GRTP1: variants seen among roughly 807,000 people sequenced by gnomAD.
The protein encoded by GRTP1 is growth hormone-regulated TBC protein 1.
A neutral mutation model predicts 38.1 loss-of-function variants in GRTP1; 56 were observed. The observed-to-expected ratio is 1.47, with a 90% CI of 1.19 to 1.84. The LOEUF (loss-of-function observed/expected upper bound fraction) is 1.84. GRTP1 is among the 40% of genes most tolerant of loss of function. The probability of loss-of-function intolerance (pLI) is 0.00; values close to 1 mark genes in which losing one functional copy is unlikely to be tolerated. For synonymous variants in GRTP1, 217 were observed against 189.5 expected, an observed-to-expected ratio of 1.14 and a Z score of -1.19; for missense variants, 506 against 453.9, an observed-to-expected ratio of 1.11 and a Z score of -1.04.
chr13:113,346,042 GGCCGAGAGCA>G (rs1566428766), intron 4 of GRTP1, among the ~76,000 whole-genome samples: 4 of 86,082 alleles, frequency 4.6e-5, no homozygotes, highest in East Asian at 3.6e-4. Context: ...AGACATCTGT[GGCCGAGAGCA>G]GACCCGGGAG....
At chr13:113,352,358 TTTTATATATATATATATA>T (rs1313167693) in intron 3 of GRTP1, among the ~76,000 whole-genome samples, 5 of 19,052 alleles carry the variant, frequency 2.6e-4, no homozygotes, top group African/African-American at 9.5e-4. Flanking sequence ...TTTATATATA[TTTTATATATATATATATA>T]TTTATATATA....
intron 5 of GRTP1, among the ~76,000 whole-genome samples, chr13:113,332,741 G>A (rs201028633): frequency 5.3e-5 from 8 of 152,268 alleles, no homozygotes; most frequent in South Asian, 2.1e-4. Context: ...AGAAACAGGC[G>A]GGTCCAGGTC....
At position 113,349,244 on chromosome 13, in the gene GRTP1, A is replaced by G. The variant is rs2139488087; in HGVS notation, c.465+1605T>C. ...TGCTCTGTTGCCCAGGCTGGAGTGTAGTGGTGCCAACATGGCTCACTGCAG... is the reference window on the plus strand; with the variant it reads ...TGCTCTGTTGCCCAGGCTGGAGTGTGGTGGTGCCAACATGGCTCACTGCAG... On this transcript the variant is annotated intron_variant, in intron 4 of 7. Coordinates refer to ENST00000375431, the MANE Select transcript of GRTP1 (RefSeq NM_024719.4). This position sits in a 1 kb window ranked among gnomAD's most constrained non-coding sequence, Gnocchi z 5.0. Among the ~76,000 whole-genome samples, 1 of 151,098 alleles carries G rather than the reference A, an allele frequency of 6.6e-6. No homozygotes were observed. Among genetic ancestry groups the G allele is most frequent in the East Asian group, 2.0e-4 (1 of 5,066 alleles).
intron 5 of GRTP1, among the ~76,000 whole-genome samples, chr13:113,332,876 G>C (rs950049778): frequency 6.6e-6 from 1 of 152,222 alleles, no homozygotes; most frequent in East Asian, 1.9e-4. Flanking sequence ...GCTGGCCACA[G>C]ATGGGCCAAC....
chr13:113,343,046 G>A lies in GRTP1; in HGVS notation c.562+1817C>T, dbSNP rs1566425819. Among the ~76,000 whole-genome samples the A allele has an allele frequency of 6.6e-6, 1 of 151,976 alleles. No homozygotes were observed. Among genetic ancestry groups the A allele is most frequent in the African/African-American group, 2.4e-5 (1 of 41,364 alleles). ...AGACAGGAACTCGTGTGTGCTCACCGATGTTTCCCACACCCCTGAACGGCG... is the reference window on the plus strand; with the variant it reads ...AGACAGGAACTCGTGTGTGCTCACCAATGTTTCCCACACCCCTGAACGGCG... On this transcript the variant is annotated intron_variant, in intron 5 of 7. Coordinates refer to ENST00000375431, the MANE Select transcript of GRTP1 (RefSeq NM_024719.4). This position sits in a 1 kb window ranked among gnomAD's most constrained non-coding sequence, Gnocchi z 4.8.
intron 4 of GRTP1, among the ~76,000 whole-genome samples, chr13:113,345,296 G>A (rs138517118): frequency 6.6e-6 from 1 of 152,298 alleles, no homozygotes; most frequent in Non-Finnish European, 1.5e-5. Context: ...TATATCAACA[G>A]CATGAAACTC....
At chr13:113,338,982 C>T (rs2042992736) in intron 5 of GRTP1, among the ~76,000 whole-genome samples, 2 of 146,802 alleles carry the variant, frequency 1.4e-5, no homozygotes, top group African/African-American at 2.5e-5. Flanking sequence ...GGTGCAGTCT[C>T]GGCTCACTGC....
chr13:113,344,218 C>G (rs898566368), intron 5 of GRTP1, among the ~76,000 whole-genome samples: 1 of 152,148 alleles, frequency 6.6e-6, no homozygotes, highest in Admixed American at 6.5e-5. Flanking sequence ...CAATACAAAC[C>G]ACACCGTGGC....
Position 113,324,507 on chromosome 13 carries a change from C to T in GRTP1, c.992G>A (p.Arg331Gln), listed in dbSNP as rs776947918. Residue 331 changes from arginine (R) to glutamine (Q), a missense_variant, in exon 8 of 8, where the codon CGG becomes CAG. Coordinates refer to ENST00000375431, the MANE Select transcript of GRTP1 (RefSeq NM_024719.4). ...GCACGCTCACCCCTGTGCCAGCAGC[C>T]GGGCCCTGCAGCTCTCGCGGAGCTT... ...VAKLRESCRARLLAQG is the reference protein window; with the variant it reads ...VAKLRESCRAQLLAQG 2.4e-5 allele frequency: 39 copies of T among 1,610,668 alleles called. No individual in the cohort carries two copies. The highest frequency in any genetic ancestry group is 3.3e-4 in the Middle Eastern group (2 of 5,972).
intron 5 of GRTP1, 88 bp downstream of exon 5, chr13:113,344,775 T>G: frequency 1.6e-6 from 2 of 1,212,850 alleles, no homozygotes; most frequent in Non-Finnish European, 2.3e-6. Flanking sequence ...CAACCATGTT[T>G]TAATTAAATT....
At chr13:113,326,368 GTGGCGCGGT>G (rs1566411391) in intron 5 of GRTP1, among the ~76,000 whole-genome samples, 4 of 85,188 alleles carry the variant, frequency 4.7e-5, no homozygotes, top group African/African-American at 3.5e-4. Flanking sequence ...CAGGTGGAGG[GTGGCGCGGT>G]GGGGGGGGGG....
intron 2 of GRTP1, among the ~76,000 whole-genome samples, chr13:113,355,900 A>G (rs9549398): frequency 0.087 from 13,196 of 152,302 alleles, 646 homozygotes; most frequent in Middle Eastern, 0.14. Flanking sequence ...AGCTGGGAGA[A>G]CACGGTTTCA....
chr13:113,345,218 C>G lies in GRTP1; in HGVS notation c.466-259G>C, dbSNP rs546509901. Among the ~76,000 whole-genome samples, 13 of 152,362 alleles carry G rather than the reference C, an allele frequency of 8.5e-5. No homozygotes were observed. In the East Asian group the frequency reaches 2.3e-3, roughly 27 times the overall value. On this transcript the variant is annotated intron_variant, in intron 4 of 7. Coordinates refer to ENST00000375431, the MANE Select transcript of GRTP1 (RefSeq NM_024719.4). ...AAATCCTGAATACTAAAATCAAAGA[C>G]TCTTCCACTAATGGTAACCTTGTGA... is the stretch of plus-strand genomic sequence containing the variant.
chr13:113,336,554 GC>G (rs2042957827), intron 5 of GRTP1, among the ~76,000 whole-genome samples: 1 of 152,034 alleles, frequency 6.6e-6, no homozygotes. Flanking sequence ...GTGGTTGGGG[GC>G]GAGGTGAGGG....
intron 5 of GRTP1, among the ~76,000 whole-genome samples, chr13:113,338,568 G>A (rs1595485779): frequency 1.3e-5 from 2 of 152,262 alleles, no homozygotes; most frequent in South Asian, 2.1e-4. Context: ...AGCCTTGCTG[G>A]CGGACTGTGT....
At position 113,324,581 on chromosome 13, in the gene GRTP1, G is replaced by A; in HGVS notation, c.922-4C>T. ...TTCCAGGTTCTGAAAATATTTTCTG[G>A]AAGGCAAACAGTTAGTTTAAAAACA... On this transcript the variant is annotated splice_region_variant and splice_polypyrimidine_tract_variant and intron_variant, in intron 7 of 7. Coordinates refer to ENST00000375431, the MANE Select transcript of GRTP1 (RefSeq NM_024719.4). 1 of 1,601,142 alleles carries A rather than the reference G, an allele frequency of 6.2e-7. No homozygotes were observed. Among genetic ancestry groups the A allele is most frequent in the South Asian group, 1.1e-5 (1 of 88,698 alleles).
chr13:113,354,152 A>G (rs1388030029), intron 3 of GRTP1, among the ~76,000 whole-genome samples: 2 of 152,220 alleles, frequency 1.3e-5, no homozygotes, highest in Non-Finnish European at 2.9e-5. Context: ...TGCTGTTTTA[A>G]TATGCACCCC....
rs898700217 is a variant in GRTP1, at chr13:113,343,990, T to G, written c.562+873A>C. Among the ~76,000 whole-genome samples the G allele has an allele frequency of 6.6e-6, 1 of 152,170 alleles. No individual in the cohort carries two copies. Among genetic ancestry groups the G allele is most frequent in the East Asian group, 1.9e-4 (1 of 5,198 alleles). Reference sequence around the variant, plus strand: ...TTCACCATAACCCGTGGATAACTTATCCACTAATAAATACACTTTAATTAT... The same window carrying G: ...TTCACCATAACCCGTGGATAACTTAGCCACTAATAAATACACTTTAATTAT... On this transcript the variant is annotated intron_variant, in intron 5 of 7. Transcript: ENST00000375431. This position sits in a 1 kb window ranked among gnomAD's most constrained non-coding sequence, Gnocchi z 4.8.
intron 7 of GRTP1, chr13:113,324,870 A>G: frequency 9.9e-7 from 1 of 1,005,402 alleles, no homozygotes; most frequent in Non-Finnish European, 1.2e-6. Context: ...TCTGTTGCCC[A>G]GGCTGGAGTG....
Sources: gnomAD v4.1 joint callset for allele counts (sites outside exome capture counted in the v4.1 genomes callset) on GRCh38, gnomAD v4.1.1 for gene constraint, Gnocchi (gnomAD v3.1) non-coding constraint, MANE v1.5 for transcripts, NCBI Gene and HGNC (gene_info 2026-07-23, HGNC 2026-07-21) for gene names.